Variants in GALP observed in about 807,000 individuals in gnomAD.
GALP encodes the protein galanin like peptide, also known as galanin-like peptide.
GALP carries 12 observed loss-of-function variants against 15.2 expected under a neutral mutation model. The observed-to-expected ratio is 0.79, with a 90% CI of 0.51 to 1.28. GALP has a LOEUF of 1.28. Ranked by LOEUF, GALP falls within the 50% of genes most tolerant of loss-of-function variation. The probability of loss-of-function intolerance (pLI) is 0.00; values close to 1 mark genes in which losing one functional copy is unlikely to be tolerated. For missense variants in GALP, 161 were observed against 145.6 expected (o/e 1.11, Z -0.55); for synonymous variants, 58 against 55.1 (o/e 1.05, Z -0.23).
intron 2 of GALP, among the ~76,000 whole-genome samples, chr19:56,180,268 C>A (rs2032540812): frequency 6.6e-6 from 1 of 152,184 alleles, no homozygotes; most frequent in Non-Finnish European, 1.5e-5. Flanking sequence ...CGATGTTGTG[C>A]CATAGAGCTC....
In GALP at chr19:56,176,342, GCGGA is replaced by G. The variant is rs2032458277; in HGVS notation, c.-40+281_-40+284del. On this transcript the variant is annotated intron_variant, in intron 1 of 5. Transcript: ENST00000357330. ...GAGCCTAGGCCAGGAGGGCAGAGGGGCGGATCCCAGCTGCACCGGGGTGAGAGCC... is the reference window on the plus strand; with the variant it reads ...GAGCCTAGGCCAGGAGGGCAGAGGGGTCCCAGCTGCACCGGGGTGAGAGCC... Among the ~76,000 whole-genome samples, 11 of 63,796 alleles carry G rather than the reference GCGGA, an allele frequency of 1.7e-4. 2 individuals carry two copies. The highest frequency in any genetic ancestry group is 8.5e-4 in the African/African-American group (11 of 12,980). The allele number at this position is 63,796 out of a possible 152,430, so 41.9% of individuals were successfully genotyped here. A position where few individuals can be genotyped will look rare whatever the true frequency, so the allele number is the denominator to read the frequency against.
chr19:56,183,258 A>T, intron 5 of GALP, 46 bp downstream of exon 5: 1 of 1,466,008 alleles, frequency 6.8e-7, no homozygotes, highest in South Asian at 1.1e-5. Context: ...GGAGAGGGGG[A>T]ACAAGGAAGT....
chr19:56,178,792 C>T (rs925281559), intron 2 of GALP, among the ~76,000 whole-genome samples: 5 of 152,152 alleles, frequency 3.3e-5, no homozygotes, highest in African/African-American at 1.2e-4. Flanking sequence ...ACCCCACAAT[C>T]CTTTGCAGTT....
intron 2 of GALP, among the ~76,000 whole-genome samples, chr19:56,177,482 G>A (rs1224558318): frequency 6.8e-6 from 1 of 146,008 alleles, no homozygotes; most frequent in Non-Finnish European, 1.5e-5. Context: ...CTGCACTCCA[G>A]CCTGGGTGAC....
chr19:56,176,500 C>A (rs187274458), intron 1 of GALP, among the ~76,000 whole-genome samples: 1 of 88,106 alleles, frequency 1.1e-5, no homozygotes, highest in Non-Finnish European at 2.1e-5. Flanking sequence ...GGGCGGATCC[C>A]AGCTGCACGG....
At chr19:56,181,624 T>C (rs1198883393) in intron 3 of GALP, among the ~76,000 whole-genome samples, 1 of 151,912 alleles carries the variant, frequency 6.6e-6, no homozygotes, top group Admixed American at 6.6e-5. Flanking sequence ...GTCAGACTGG[T>C]CTTGAACTCC....
chr19:56,180,727 AC>A, intron 3 of GALP, 93 bp downstream of exon 3: 1 of 948,420 alleles, frequency 1.1e-6, no homozygotes, highest in Non-Finnish European at 1.7e-6. Context: ...ACCCTCACCC[AC>A]ATTCACTGAG....
intron 3 of GALP, among the ~76,000 whole-genome samples, chr19:56,181,272 G>A (rs1439786310): frequency 1.3e-5 from 2 of 151,858 alleles, no homozygotes; most frequent in East Asian, 3.9e-4. Flanking sequence ...ATCTGTGACA[G>A]TGGGTGTAAT....
At position 56,182,215 on chromosome 19, in the gene GALP, G is replaced by A; in HGVS notation, c.180G>A (p.Glu60=). The A allele has an allele frequency of 6.2e-7, 1 of 1,614,052 alleles. No individual in the cohort carries two copies. Residue 60 remains glutamate (E), a synonymous_variant, in exon 4 of 6, where the codon GAG becomes GAA. Coordinates refer to ENST00000357330, the MANE Select transcript of GALP (RefSeq NM_033106.4). The part of the protein sequence containing the change: ...PQMGDQDGKR[E]TALEILDLWK... Reference sequence around the variant, plus strand: ...TGGGTGACCAAGACGGAAAGAGGGAGACAGCCCTTGAGATCCTAGACCTGT... The same window carrying A: ...TGGGTGACCAAGACGGAAAGAGGGAAACAGCCCTTGAGATCCTAGACCTGT...
At chr19:56,177,934 G>T (rs1462862947) in intron 2 of GALP, among the ~76,000 whole-genome samples, 3 of 152,096 alleles carry the variant, frequency 2.0e-5, no homozygotes, top group Non-Finnish European at 4.4e-5. Context: ...TTAGACAGGG[G>T]AAATAAACTA....
intron 5 of GALP, among the ~76,000 whole-genome samples, chr19:56,184,417 C>A (rs1427937499): frequency 1.3e-5 from 2 of 152,050 alleles, no homozygotes; most frequent in African/African-American, 2.4e-5. Flanking sequence ...CTTGTCCCAC[C>A]TTCCTTTAGT....
At chr19:56,180,267 G>A (rs2032540771) in intron 2 of GALP, among the ~76,000 whole-genome samples, 1 of 152,190 alleles carries the variant, frequency 6.6e-6, no homozygotes, top group Admixed American at 6.5e-5. Context: ...ACGATGTTGT[G>A]CCATAGAGCT....
chr19:56,180,352 C>A (rs142494352), intron 2 of GALP, among the ~76,000 whole-genome samples: 1 of 152,204 alleles, frequency 6.6e-6, no homozygotes, highest in Non-Finnish European at 1.5e-5. Context: ...TTCCCCCCAG[C>A]CCCCAATAAC....
At chr19:56,180,915 C>CTTTTTTTTT (rs1174325788) in intron 3 of GALP, among the ~76,000 whole-genome samples, 1 of 40,130 alleles carries the variant, frequency 2.5e-5, no homozygotes, top group African/African-American at 8.8e-5. Context: ...TTCTTTCTTT[C>CTTTTTTTTT]TTTTTTTTTT....
intron 2 of GALP, among the ~76,000 whole-genome samples, chr19:56,180,271 T>G (rs74258046): frequency 6.6e-6 from 1 of 152,312 alleles, no homozygotes; most frequent in African/African-American, 2.4e-5. Flanking sequence ...TGTTGTGCCA[T>G]AGAGCTCTAG....
Position 56,176,059 on chromosome 19 carries a change from CG to C in GALP, c.-40+1del. ...AGCTGCGGAGAGCTGCCAGCTGCAG[CG>C]GGGTGAGAGCCTAGGCCAGGAGGGC... On this transcript the variant is annotated splice_region_variant and 5_prime_UTR_variant, in exon 1 of 6. Coordinates refer to ENST00000357330, the MANE Select transcript of GALP (RefSeq NM_033106.4). 1 of 171,344 alleles carries C rather than the reference CG, an allele frequency of 5.8e-6. No individual in the cohort carries two copies. The highest frequency in any genetic ancestry group is 1.1e-4 in the South Asian group (1 of 9,168). The allele number at this position is 171,344 out of a possible 1,614,324, so 10.6% of individuals were successfully genotyped here.
chr19:56,176,654 T>C (rs1190154633), intron 1 of GALP, among the ~76,000 whole-genome samples: 3 of 132,288 alleles, frequency 2.3e-5, no homozygotes, highest in Non-Finnish European at 4.8e-5. Context: ...GGATCCAAGC[T>C]GCACTGGGGT....
rs2032639371 is a variant in GALP, at chr19:56,185,467, G to T, written c.*197G>T. The T allele has an allele frequency of 2.1e-6, 1 of 472,920 alleles. No homozygotes were observed. 29.3% of individuals were successfully genotyped at this position (472,920 alleles called of 1,614,324 possible). ...TTTTATTGATTCATCCTTGAAATCA[G>T]TATAATGTGCTATTAATGGAACCAA... On this transcript the variant is annotated 3_prime_UTR_variant, in exon 6 of 6. Transcript: ENST00000357330.
intron 3 of GALP, 101 bp downstream of exon 3, chr19:56,180,735 T>C: frequency 1.1e-6 from 1 of 881,318 alleles, no homozygotes; most frequent in Non-Finnish European, 1.9e-6. Flanking sequence ...CCACATTCAC[T>C]GAGGCCCATG....
Sources: gnomAD v4.1 joint callset for allele counts (sites outside exome capture counted in the v4.1 genomes callset) on GRCh38, gnomAD v4.1.1 for gene constraint, MANE v1.5 for transcripts, NCBI Gene and HGNC (gene_info 2026-07-23, HGNC 2026-07-21) for gene names.